The following CENPF variants were observed in gnomAD, a reference collection of about 807,000 sequenced individuals.
The protein encoded by CENPF is centromere protein F.
Under a neutral mutation model 307.3 loss-of-function variants are expected in CENPF, and 214 were observed. The observed-to-expected ratio is 0.70, with a 90% CI of 0.62 to 0.78. The LOEUF (loss-of-function observed/expected upper bound fraction) is 0.78, where lower values mean the gene tolerates loss of function less well. Among genes scored for constraint, CENPF ranks in the 30% least tolerant of loss-of-function variants. CENPF has a pLI of 0.00. For synonymous variants in CENPF, 1,259 were observed against 1,270.6 expected, an observed-to-expected ratio of 0.99 and a Z score of 0.19; for missense variants, 3,401 against 3,483.9, an observed-to-expected ratio of 0.98 and a Z score of 0.60.
rs758718038 is a variant in CENPF, at chr1:214,615,068, A to G, written c.359+40A>G. 4 of 1,399,108 alleles carry G rather than the reference A, an allele frequency of 2.9e-6. No homozygotes were observed. In the African/African-American group the frequency reaches 4.4e-5, roughly 15 times the overall value. 86.7% of individuals were successfully genotyped at this position (1,399,108 alleles called of 1,614,324 possible). ...TGGTATTTATAGGGATGATATTTGT[A>G]TGTATTAATCAGATGCGTTTGTCTT... On this transcript the variant is annotated intron_variant, in intron 3 of 19. Transcript: ENST00000366955.
At chr1:214,606,620 A>G (rs978881615) in intron 1 of CENPF, among the ~76,000 whole-genome samples, 15 of 152,236 alleles carry the variant, frequency 9.9e-5, no homozygotes, top group Admixed American at 1.3e-4. Context: ...CCCACGCCCA[A>G]TGAGATGCCA....
Position 214,642,082 on chromosome 1 carries a change from C to G in CENPF, c.3744C>G (p.Ser1248Arg). The G allele has an allele frequency of 1.2e-6, 2 of 1,610,622 alleles. No individual in the cohort carries two copies. The highest frequency in any genetic ancestry group is 1.3e-5 in the African/African-American group (1 of 74,702). Residue 1248 changes from serine (S) to arginine (R), a missense_variant, in exon 12 of 20, where the codon AGC becomes AGG. Coordinates refer to ENST00000366955, the MANE Select transcript of CENPF (RefSeq NM_016343.4). The part of the protein sequence containing the change: ...LQTIRGDLET[S>R]NLQDMQSQEI... ...CAATTAGAGGAGATCTTGAAACCAG[C>G]AATTTGCAAGACATGCAGTCACAAG...
Position 214,620,966 on chromosome 1 carries a change from A to T in CENPF, c.865+20A>T. The T allele has an allele frequency of 6.3e-7, 1 of 1,576,082 alleles. No individual in the cohort carries two copies. Among genetic ancestry groups the T allele is most frequent in the Non-Finnish European group, 8.6e-7 (1 of 1,163,304 alleles). On this transcript the variant is annotated intron_variant, in intron 6 of 19. Transcript: ENST00000366955. ...ATCAAGGTAACATTGAGCTAAGTTA[A>T]GTTTAAATTCACTTTGCTTGAGGTA... is the stretch of plus-strand genomic sequence containing the variant.
rs776581403 is a variant in CENPF at position 214,614,968 on chromosome 1, A to G, written c.299A>G (p.Gln100Arg). Residue 100 changes from glutamine to arginine, a missense_variant, in exon 3 of 20, where the codon CAG becomes CGG. Transcript: ENST00000366955. ...LQVKESQVNF[Q>R]EGQLNSGKKQ... ...GTCAAGGAGTCACAAGTGAATTTCC[A>G]GGAAGGACAACTGAATTCAGGCAAA... 5 of 1,610,354 alleles carry G rather than the reference A, an allele frequency of 3.1e-6. No individual in the cohort carries two copies. The highest frequency in any genetic ancestry group is 4.2e-6 in the Non-Finnish European group (5 of 1,178,826).
At position 214,657,011 on chromosome 1, in the gene CENPF, A is replaced by G. The variant is rs1242728153; in HGVS notation, c.8564A>G (p.Lys2855Arg). 2 of 1,613,904 alleles carry G rather than the reference A, an allele frequency of 1.2e-6. No homozygotes were observed. The highest frequency in any genetic ancestry group is 1.7e-6 in the Non-Finnish European group (2 of 1,179,954). The change falls in exon 18 of 20, where the codon AAG becomes AGG. Residue 2855 changes from lysine to arginine, a missense_variant. Transcript: ENST00000366955. ...ELKETLEEKT[K>R]EADEYLDKYC... ...AAAGAAACTCTTGAAGAAAAAACCA[A>G]GGAGGCAGATGAATACTTGGATAAG...
intron 12 of CENPF, among the ~76,000 whole-genome samples, chr1:214,644,269 G>A (rs1342543127): frequency 6.6e-6 from 1 of 152,166 alleles, no homozygotes; most frequent in African/African-American, 2.4e-5. Context: ...TCTTAGCAAG[G>A]GAAAAATATG....
chr1:214,653,025 G>T, intron 16 of CENPF, 36 bp downstream of exon 16: 1 of 1,531,618 alleles, frequency 6.5e-7, no homozygotes, highest in South Asian at 1.1e-5. Flanking sequence ...GATTTCGAAT[G>T]GTTTATACAG....
intron 13 of CENPF, 167 bp from the exon 14 acceptor site, chr1:214,648,508 A>G (rs1326800597): frequency 1.3e-6 from 1 of 777,364 alleles, no homozygotes; most frequent in Non-Finnish European, 2.3e-6. Context: ...GCTTACTAGT[A>G]GGTTTTGAGA....
At chr1:214,616,875 TTCTTTCTTTCTTTC>T (rs1657362162) in intron 3 of CENPF, among the ~76,000 whole-genome samples, 1 of 103,930 alleles carries the variant, frequency 9.6e-6, no homozygotes, top group Non-Finnish European at 2.0e-5. Flanking sequence ...CTTTCTTTCT[TTCTTTCTTTCTTTC>T]TTTCTTTCTT....
chr1:214,609,643 C>T (rs762079966), intron 1 of CENPF, among the ~76,000 whole-genome samples: 1 of 152,144 alleles, frequency 6.6e-6, no homozygotes, highest in Non-Finnish European at 1.5e-5. Flanking sequence ...TACAGGTAGA[C>T]TCATGTCATG....
chr1:214,662,726 A>G (rs909664335), intron 19 of CENPF, among the ~76,000 whole-genome samples: 6 of 150,408 alleles, frequency 4.0e-5, no homozygotes, highest in Non-Finnish European at 8.9e-5. Flanking sequence ...CCTATACTTC[A>G]TTTTTCTTGC....
intron 1 of CENPF, among the ~76,000 whole-genome samples, chr1:214,607,482 A>G (rs1393241122): frequency 6.6e-6 from 1 of 152,140 alleles, no homozygotes; most frequent in African/African-American, 2.4e-5. Flanking sequence ...GGGTGGTGCC[A>G]GGGGACCAGC....
intron 16 of CENPF, 69 bp from the exon 17 acceptor site, chr1:214,655,172 A>G (rs928044260): frequency 2.1e-6 from 2 of 955,560 alleles, no homozygotes; most frequent in African/African-American, 1.7e-5. Context: ...CTTATATCTT[A>G]TAATTATTTT....
rs527926913 is a variant in CENPF, at chr1:214,662,083, A to G, written c.9142-1508A>G. Among the ~76,000 whole-genome samples, 4 of 152,292 alleles carry G rather than the reference A, an allele frequency of 2.6e-5. No homozygotes were observed. The South Asian group carries it at 8.3e-4, about 32-fold the overall frequency. ...TGAGTCTAGAGGGGAGAAGCCAGAA[A>G]GAGTGGACGTTAGCCATTTGATTGG... is the stretch of plus-strand genomic sequence containing the variant. On this transcript the variant is annotated intron_variant, in intron 19 of 19. Coordinates refer to ENST00000366955, the MANE Select transcript of CENPF (RefSeq NM_016343.4).
chr1:214,622,740 A>T (rs1245962195), intron 7 of CENPF, among the ~76,000 whole-genome samples: 1 of 133,570 alleles, frequency 7.5e-6, no homozygotes, highest in Non-Finnish European at 1.5e-5. Context: ...TTTAGGGGGA[A>T]AAAAGATCGT....
rs1658106325 is a variant in CENPF at position 214,641,321 on chromosome 1, C to T, written c.2983C>T (p.Gln995Ter). The change falls in exon 12 of 20, where the codon CAG becomes TAG. Residue 995 changes from glutamine (Q) to a stop codon, truncating the protein, a stop_gained. Transcript: ENST00000366955. LOFTEE classifies it high-confidence loss of function. ...SLNQEKMNLI[Q>*]KSESFANYID... ...AAATCAAGAGAAGATGAACTTAATC[C>T]AGAAAAGTGAGAGTTTTGCAAACTA... is the stretch of plus-strand genomic sequence containing the variant. 1 of 1,611,208 alleles carries T rather than the reference C, an allele frequency of 6.2e-7. No individual in the cohort carries two copies. Among genetic ancestry groups the T allele is most frequent in the East Asian group, 2.2e-5 (1 of 44,838 alleles).
chr1:214,652,250 T>C (rs534913725), intron 15 of CENPF, among the ~76,000 whole-genome samples: 11 of 151,254 alleles, frequency 7.3e-5, no homozygotes, highest in East Asian at 2.0e-4. Flanking sequence ...TTAGCCAGGA[T>C]GGTCTCGATC....
chr1:214,623,306 A>G (rs1481769814), intron 7 of CENPF, among the ~76,000 whole-genome samples: 2 of 152,198 alleles, frequency 1.3e-5, no homozygotes, highest in African/African-American at 4.8e-5. Context: ...TTTACATAGC[A>G]TATACATAGT....
chr1:214,637,898 T>G lies in CENPF; in HGVS notation c.1479T>G (p.Ser493Arg). The G allele has an allele frequency of 6.2e-7, 1 of 1,612,782 alleles. No homozygotes were observed. The highest frequency in any genetic ancestry group is 8.5e-7 in the Non-Finnish European group (1 of 1,179,768). Residue 493 changes from serine to arginine, a missense_variant, in exon 11 of 20, where the codon AGT becomes AGG. Ser to Arg is a moderately radical substitution (Grantham distance 110, BLOSUM62 -1). Coordinates refer to ENST00000366955, the MANE Select transcript of CENPF (RefSeq NM_016343.4). ...AGAAGGAAAACAACCTCCTTAAGAGTCACTCTGAGCAAAAGGCCAGAGAAG... is the reference window on the plus strand; with the variant it reads ...AGAAGGAAAACAACCTCCTTAAGAGGCACTCTGAGCAAAAGGCCAGAGAAG... ...EMKKENNLLK[S>R]HSEQKAREVC...
Sources: gnomAD v4.1 joint callset for allele counts (sites outside exome capture counted in the v4.1 genomes callset) on GRCh38, gnomAD v4.1.1 for gene constraint, MANE v1.5 for transcripts, NCBI Gene and HGNC (gene_info 2026-07-23, HGNC 2026-07-21) for gene names.